Variants in KIF21B observed in about 807,000 individuals in gnomAD.
KIF21B encodes the protein kinesin-like protein KIF21B.
KIF21B carries 85 observed loss-of-function variants against 192.9 expected under a neutral mutation model. The observed-to-expected ratio is 0.44, with a 90% CI of 0.37 to 0.53. KIF21B has a LOEUF of 0.53. Among genes scored for constraint, KIF21B ranks in the 20% least tolerant of loss-of-function variants. KIF21B has a pLI of 0.00. For synonymous variants in KIF21B, 832 were observed against 884.6 expected, an observed-to-expected ratio of 0.94 and a Z score of 1.05; for missense variants, 1,716 against 2,194.8, an observed-to-expected ratio of 0.78 and a Z score of 4.36.
chr1:201,021,650 C>A (rs1045510395), intron 1 of KIF21B, among the ~76,000 whole-genome samples: 5 of 152,176 alleles, frequency 3.3e-5, no homozygotes, highest in African/African-American at 1.2e-4. Context: ...GGGAGTCCCA[C>A]ATCTTTTCAG....
chr1:201,008,742 C>T (rs917933235), intron 3 of KIF21B, 27 bp downstream of exon 3: 6 of 1,557,126 alleles, frequency 3.9e-6, no homozygotes, highest in Admixed American at 3.6e-5. Flanking sequence ...AAGCCTCCCA[C>T]CTGCCCACCC....
rs528816595 is a variant in KIF21B, at chr1:201,017,049, T to C, written c.41+6294A>G. ...TCTGACCCCACCCCCTCCTCTTGAG[T>C]GTCCTTGACCTTACTAGGGTCTTGG... is the stretch of plus-strand genomic sequence containing the variant. On this transcript the variant is annotated intron_variant, in intron 1 of 34. Coordinates refer to ENST00000461742, the MANE Select transcript of KIF21B (RefSeq NM_001252102.2). The surrounding 1 kb of genome is among the most constrained non-coding windows in gnomAD (Gnocchi z 4.1). 6.6e-6 allele frequency among the ~76,000 whole-genome samples: 1 copy of C among 151,904 alleles called. No individual in the cohort carries two copies. The highest frequency in any genetic ancestry group is 2.4e-5 in the African/African-American group (1 of 41,418).
chr1:200,977,198 G>A lies in KIF21B; in HGVS notation c.4325+14C>T, dbSNP rs1385004950. The A allele has an allele frequency of 2.5e-6, 4 of 1,602,406 alleles. No homozygotes were observed. The highest frequency in any genetic ancestry group is 3.4e-6 in the Non-Finnish European group (4 of 1,171,000). On this transcript the variant is annotated intron_variant, in intron 31 of 34. Coordinates refer to ENST00000461742, the MANE Select transcript of KIF21B (RefSeq NM_001252102.2). The stretch of plus-strand genomic sequence containing the variant: ...AATGCCAAACCCTCCTCCCTCCCCA[G>A]GTATCACGCTGACCTGCTAAGCTCC...
chr1:200,991,439 T>G (rs949764638), intron 17 of KIF21B, among the ~76,000 whole-genome samples: 2 of 152,216 alleles, frequency 1.3e-5, no homozygotes, highest in Non-Finnish European at 2.9e-5. Flanking sequence ...TGGACACAAT[T>G]TGGACACCAA....
intron 3 of KIF21B, among the ~76,000 whole-genome samples, chr1:201,007,575 CAGACACACACAT>C (rs1324367923): frequency 2.0e-5 from 3 of 150,336 alleles, no homozygotes; most frequent in Non-Finnish European, 3.0e-5. Context: ...GACACACACA[CAGACACACACAT>C]AGACACAGAG....
intron 3 of KIF21B, among the ~76,000 whole-genome samples, chr1:201,006,693 T>C (rs980961439): frequency 5.9e-5 from 9 of 152,044 alleles, no homozygotes; most frequent in African/African-American, 2.2e-4. Context: ...TCCGGGCTTC[T>C]CCATGGCAAC....
chr1:201,012,722 C>T (rs1189583278), intron 1 of KIF21B, among the ~76,000 whole-genome samples: 1 of 152,178 alleles, frequency 6.6e-6, no homozygotes, highest in Non-Finnish European at 1.5e-5. Flanking sequence ...TGGCTCAATG[C>T]AGCCTCAGCC....
At chr1:201,007,523 GAC>G (rs1200916954) in intron 3 of KIF21B, among the ~76,000 whole-genome samples, 1 of 107,180 alleles carries the variant, frequency 9.3e-6, no homozygotes, top group African/African-American at 3.7e-5. Context: ...CACACACAGA[GAC>G]ACACAGACAC....
rs1656059747 is a variant in KIF21B, at chr1:200,983,194, T to C, written c.3804-100A>G. 3.0e-6 allele frequency: 3 copies of C among 997,760 alleles called. No homozygotes were observed. In the Admixed American group the frequency reaches 6.0e-5, roughly 20 times the overall value. 61.8% of individuals were successfully genotyped at this position (997,760 alleles called of 1,614,324 possible). Reference sequence around the variant, plus strand: ...GTGTGTGGGGTGGTCAGAGGGCAGGTTATTCTCTTCCAGCGGAGCAGAGAC... The same window carrying C: ...GTGTGTGGGGTGGTCAGAGGGCAGGCTATTCTCTTCCAGCGGAGCAGAGAC... On this transcript the variant is annotated intron_variant, in intron 27 of 34. Transcript: ENST00000461742.
Position 200,977,219 on chromosome 1 carries a change from G to C in KIF21B, c.4318C>G (p.Leu1440Val). 6.2e-7 allele frequency: 1 copy of C among 1,611,502 alleles called. No homozygotes were observed. Among genetic ancestry groups the C allele is most frequent in the Non-Finnish European group, 8.5e-7 (1 of 1,177,910 alleles). Residue 1440 changes from leucine (L) to valine (V), a missense_variant, in exon 31 of 35, where the codon CTT becomes GTT. Leu to Val is a conservative substitution (Grantham distance 32). Transcript: ENST00000461742. ...ASGNAVRIWE[L>V]SRFQPVGKLT... ...CCCAGGTATCACGCTGACCTGCTAA[G>C]CTCCCAGATGCGGACGGCATTGCCC...
chr1:201,005,980 G>A (rs141465547), intron 3 of KIF21B, among the ~76,000 whole-genome samples: 1 of 152,360 alleles, frequency 6.6e-6, no homozygotes, highest in Non-Finnish European at 1.5e-5. Flanking sequence ...AAGGGACACG[G>A]GTCCCAGATG....
At chr1:200,977,516 T>G in intron 30 of KIF21B, 140 bp from the exon 31 acceptor site, 2 of 1,024,726 alleles carry the variant, frequency 2.0e-6, no homozygotes, top group Non-Finnish European at 2.8e-6. Context: ...AGAAGAGCAA[T>G]AGCTTCTCCC....
chr1:200,996,093 G>T (rs983588834), intron 15 of KIF21B, 103 bp downstream of exon 15: 6 of 1,180,852 alleles, frequency 5.1e-6, no homozygotes, highest in African/African-American at 4.5e-5. Flanking sequence ...GTTGAGAAGA[G>T]AATCCACACT....
In KIF21B at chr1:201,000,917, G is replaced by A; in HGVS notation, c.1403-137C>T. ...GAGGCTGGGAGTTCGAGACTAGCCT[G>A]ACCAACATGGAGAAACCCCGTCTCT... On this transcript the variant is annotated intron_variant, in intron 9 of 34. Coordinates refer to ENST00000461742, the MANE Select transcript of KIF21B (RefSeq NM_001252102.2). This position sits in a 1 kb window ranked among gnomAD's most constrained non-coding sequence, Gnocchi z 6.0. The A allele has an allele frequency of 1.3e-6, 1 of 786,548 alleles. No homozygotes were observed. The highest frequency in any genetic ancestry group is 2.2e-6 in the Non-Finnish European group (1 of 460,516). The allele number at this position is 786,548 out of a possible 1,614,324, so 48.7% of individuals were successfully genotyped here.
chr1:200,985,831 CTTTT>C (rs760489373), intron 26 of KIF21B, among the ~76,000 whole-genome samples: 1 of 106,394 alleles, frequency 9.4e-6, no homozygotes, highest in Non-Finnish European at 1.8e-5. Context: ...CTTCCCTTCC[CTTTT>C]TTTTTTTTTC....
intron 14 of KIF21B, among the ~76,000 whole-genome samples, chr1:200,997,587 AC>A (rs1254585163): frequency 9.8e-5 from 15 of 152,314 alleles, no homozygotes; most frequent in African/African-American, 3.6e-4. Context: ...TACTAAAAAT[AC>A]AAAAATTAGC....
intron 8 of KIF21B, 70 bp from the exon 9 acceptor site, chr1:201,002,420 T>A: frequency 7.3e-7 from 1 of 1,372,036 alleles, no homozygotes. Context: ...GGGCTGATGA[T>A]GCCCCTCCCT....
In KIF21B at chr1:201,023,178, G is replaced by T. The variant is rs953769345; in HGVS notation, c.41+165C>A. Among the ~76,000 whole-genome samples, 1 of 152,214 alleles carries T rather than the reference G, an allele frequency of 6.6e-6. No homozygotes were observed. Among genetic ancestry groups the T allele is most frequent in the African/African-American group, 2.4e-5 (1 of 41,458 alleles). On this transcript the variant is annotated intron_variant, in intron 1 of 34. Coordinates refer to ENST00000461742, the MANE Select transcript of KIF21B (RefSeq NM_001252102.2). The surrounding 1 kb of genome is among the most constrained non-coding windows in gnomAD (Gnocchi z 5.9). ...GTCGGCGGGGTCGCCGCTCCCCTGC[G>T]GCAGACTGGCCAGCGCGCGGCGCCC...
Position 200,989,972 on chromosome 1 carries a change from T to C in KIF21B, c.3102A>G (p.Leu1034=). The change falls in exon 21 of 35, where the codon CTA becomes CTG. Residue 1034 remains leucine (L), a synonymous_variant. Transcript: ENST00000461742. ...SCSLAEARLL[L]DNFLKASIDK... is the part of the protein sequence containing the mutation. The stretch of plus-strand genomic sequence containing the variant: ...CAATGGATGCCTTGAGGAAGTTGTC[T>C]AGCAGGAGGCGGGCTTCAGCCAGGG... 1 of 1,614,012 alleles carries C rather than the reference T, an allele frequency of 6.2e-7. No homozygotes were observed. Among genetic ancestry groups the C allele is most frequent in the Non-Finnish European group, 8.5e-7 (1 of 1,180,002 alleles).
Sources: allele counts gnomAD v4.1 joint callset (sites outside exome capture counted in the v4.1 genomes callset), GRCh38; gene constraint gnomAD v4.1.1; non-coding constraint Gnocchi (gnomAD v3.1); transcripts MANE v1.5; gene names NCBI Gene and HGNC (gene_info 2026-07-23, HGNC 2026-07-21).